The following SETD1B variants were observed in gnomAD, a reference collection of about 807,000 sequenced individuals.
SETD1B encodes the protein histone-lysine N-methyltransferase SETD1B.
In SETD1B, 7 loss-of-function variants were observed where a neutral mutation model predicts 148.0. The observed-to-expected ratio is 0.05, with a 90% CI of 0.03 to 0.09. The LOEUF (loss-of-function observed/expected upper bound fraction) is 0.09. Ranked by LOEUF, SETD1B falls within the 10% of genes least tolerant of loss-of-function variation. SETD1B has a pLI of 1.00. For missense variants in SETD1B, 2,155 were observed against 2,729.9 expected, an observed-to-expected ratio of 0.79 and a Z score of 4.69; for synonymous variants, 1,361 against 1,186.5, an observed-to-expected ratio of 1.15 and a Z score of -3.02.
chr12:121,816,992 G>C (rs747121302), intron 7 of SETD1B, 41 bp from the exon 8 acceptor site: 1 of 1,460,112 alleles, frequency 6.8e-7, no homozygotes, highest in South Asian at 1.4e-5. Context: ...AGGGTTGGTG[G>C]TGCCAGAAGC....
chr12:121,820,019 C>T (rs1405926005), intron 11 of SETD1B, 124 bp downstream of exon 11: 13 of 808,416 alleles, frequency 1.6e-5, no homozygotes, highest in African/African-American at 5.2e-5. Context: ...CCGTGTAAAA[C>T]GAGATCAGCC....
chr12:121,818,961 G>A (rs1876433845), intron 10 of SETD1B, among the ~76,000 whole-genome samples: 1 of 150,538 alleles, frequency 6.6e-6, no homozygotes, highest in South Asian at 2.1e-4. Context: ...GCGACTACTA[G>A]CGGCCGGGTG....
upstream of SETD1B, chr12:121,803,155 G>C (rs1366955371): frequency 2.0e-5 from 3 of 149,790 alleles, no homozygotes; most frequent in Non-Finnish European, 4.4e-5. This position sits in a 1 kb window ranked among gnomAD's most constrained non-coding sequence, Gnocchi z 4.7. Flanking sequence ...AGCGGCAGAG[G>C]GGGCTGCAAA....
the SETD1B span, chr12:121,793,051 G>T: frequency 9.5e-7 from 1 of 1,051,404 alleles, no homozygotes; most frequent in Non-Finnish European, 1.4e-6. Flanking sequence ...CCAAGGCCCT[G>T]CCAAGGCTGC....
intron 11 of SETD1B, 65 bp from the exon 12 acceptor site, chr12:121,822,425 A>G: frequency 6.8e-7 from 1 of 1,472,788 alleles, no homozygotes; most frequent in Non-Finnish European, 9.1e-7. Flanking sequence ...TGGAGCACAA[A>G]ATAAGGCACT....
At chr12:121,816,418 C>T (rs1241213061) in intron 7 of SETD1B, among the ~76,000 whole-genome samples, 2 of 152,330 alleles carry the variant, frequency 1.3e-5, no homozygotes, top group South Asian at 2.1e-4. Context: ...AATGAACCGT[C>T]TGAAATCACT....
rs933415662 is a variant in SETD1B, at chr12:121,817,591, A to G, written c.3199A>G (p.Lys1067Glu). The G allele has an allele frequency of 1.5e-5, 23 of 1,549,878 alleles. No homozygotes were observed. The highest frequency in any genetic ancestry group is 2.4e-5 in the South Asian group (2 of 83,950). Residue 1067 changes from lysine (K) to glutamate (E), a missense_variant, in exon 9 of 17, where the codon AAG becomes GAG. Around this residue, in one of 11 missense-constraint regions of SETD1B, gnomAD observed 862 missense variants for 873.8 expected, o/e 0.99. Transcript: ENST00000604567. This position sits in a 1 kb window ranked among gnomAD's most constrained non-coding sequence, Gnocchi z 8.1. ...CTCACCCTCGTCCTCGGCCTCCGAC[A>G]AGGAGGAGGAACAGGAGAGCACCGA... ...TTSPSSSASDKEEEQESTEEE... is the reference protein window; with the variant it reads ...TTSPSSSASDEEEEQESTEEE...
the SETD1B span, among the ~76,000 whole-genome samples, chr12:121,796,626 C>T: frequency 2.6e-5 from 4 of 152,238 alleles, no homozygotes; most frequent in Admixed American, 2.0e-4. Flanking sequence ...ATACATCTAC[C>T]CTGCCTGAGC....
chr12:121,810,403 G>A lies in SETD1B; in HGVS notation c.1458G>A (p.Glu486=). 2 of 1,548,926 alleles carry A rather than the reference G, an allele frequency of 1.3e-6. No individual in the cohort carries two copies. The highest frequency in any genetic ancestry group is 2.7e-5 in the African/African-American group (2 of 73,160). The change falls in exon 6 of 17, where the codon GAG becomes GAA. Residue 486 remains glutamate (E), a synonymous_variant. Coordinates refer to ENST00000604567, the MANE Select transcript of SETD1B (RefSeq NM_001353345.2). This position sits in a 1 kb window ranked among gnomAD's most constrained non-coding sequence, Gnocchi z 7.6. The part of the protein sequence containing the change: ...PCDSPGTPTL[E]SSPAGPEKPH... Reference sequence around the variant, plus strand: ...ACAGCCCTGGCACGCCCACGCTGGAGTCGTCCCCTGCAGGGCCAGAGAAAC... The same window carrying A: ...ACAGCCCTGGCACGCCCACGCTGGAATCGTCCCCTGCAGGGCCAGAGAAAC...
chr12:121,822,904 C>G lies in SETD1B; in HGVS notation c.4325C>G (p.Pro1442Arg), dbSNP rs1291530074. 1 of 1,502,312 alleles carries G rather than the reference C, an allele frequency of 6.7e-7. No homozygotes were observed. Among genetic ancestry groups the G allele is most frequent in the African/African-American group, 1.4e-5 (1 of 71,610 alleles). The allele number at this position is 1,502,312 out of a possible 1,614,324, so 93.1% of individuals were successfully genotyped here. A position where few individuals can be genotyped will look rare whatever the true frequency, so the allele number is the denominator to read the frequency against. ...FTPTFSEPSG[P>R]LLLPVCPLPT... is the part of the protein sequence containing the mutation. ...CCCACCTTCTCCGAGCCCAGCGGGC[C>G]CTTGCTCCTGCCCGTCTGCCCACTC... The change falls in exon 12 of 17, where the codon CCC becomes CGC. Residue 1442 changes from proline (P) to arginine (R), a missense_variant. Physicochemically the swap from Pro to Arg is moderately radical, Grantham distance 103. This residue lies in a region of SETD1B where 862 missense variants were observed against 873.8 expected (regional missense o/e 0.99). Transcript: ENST00000604567.
chr12:121,791,434 C>T, the SETD1B span, among the ~76,000 whole-genome samples: 12 of 152,160 alleles, frequency 7.9e-5, no homozygotes, highest in Non-Finnish European at 5.9e-5. Flanking sequence ...CCCAATGATA[C>T]GTAGCCAATA....
chr12:121,829,003 G>A (rs1876970229), intron 16 of SETD1B, among the ~76,000 whole-genome samples: 1 of 152,032 alleles, frequency 6.6e-6, no homozygotes, highest in Admixed American at 6.6e-5. Flanking sequence ...CGGTGCTGGG[G>A]CAAGGGGAAC....
At chr12:121,796,568 G>C in the SETD1B span, among the ~76,000 whole-genome samples, 1 of 152,222 alleles carries the variant, frequency 6.6e-6, no homozygotes, top group African/African-American at 2.4e-5. Context: ...CAGCCTTCAG[G>C]GATGAAGCTA....
At chr12:121,793,536 G>T in the SETD1B span, 1 of 1,545,136 alleles carries the variant, frequency 6.5e-7, no homozygotes. Flanking sequence ...GAGCAGCGAG[G>T]TCTTGCCGCA....
chr12:121,805,230 C>T lies in SETD1B; in HGVS notation c.273+14C>T, dbSNP rs1383868058. On this transcript the variant is annotated intron_variant, in intron 3 of 16. Transcript: ENST00000604567. The surrounding 1 kb of genome is among the most constrained non-coding windows in gnomAD (Gnocchi z 4.2). ...CCCAAATTCAAGGTAGGACCCCTCCCCACTGCCCCGCCGTCCCTCCCCCAC... is the reference window on the plus strand; with the variant it reads ...CCCAAATTCAAGGTAGGACCCCTCCTCACTGCCCCGCCGTCCCTCCCCCAC... 1 of 1,542,704 alleles carries T rather than the reference C, an allele frequency of 6.5e-7. No individual in the cohort carries two copies. Among genetic ancestry groups the T allele is most frequent in the South Asian group, 1.2e-5 (1 of 83,816 alleles).
At chr12:121,798,403 G>T in the SETD1B span, among the ~76,000 whole-genome samples, 1 of 152,228 alleles carries the variant, frequency 6.6e-6, no homozygotes, top group Non-Finnish European at 1.5e-5. Context: ...GGTGCGGGGG[G>T]AAGCTCTGAG....
the SETD1B span, among the ~76,000 whole-genome samples, chr12:121,792,209 C>T: frequency 2.0e-5 from 3 of 152,238 alleles, no homozygotes; most frequent in Non-Finnish European, 4.4e-5. Flanking sequence ...CTGACCTCAC[C>T]TCACACACAC....
At chr12:121,812,185 G>C (rs1431374174) in intron 6 of SETD1B, among the ~76,000 whole-genome samples, 1 of 152,150 alleles carries the variant, frequency 6.6e-6, no homozygotes, top group African/African-American at 2.4e-5. Flanking sequence ...TGGGCTTTCT[G>C]CGGCCGCGCG....
intron 5 of SETD1B, 147 bp from the exon 6 acceptor site, chr12:121,809,456 C>T: frequency 2.2e-6 from 2 of 892,928 alleles, no homozygotes; most frequent in Non-Finnish European, 3.3e-6. Context: ...TGACACTCCT[C>T]CTCAATCTCC....
Sources: gnomAD v4.1 joint callset for allele counts (sites outside exome capture counted in the v4.1 genomes callset) on GRCh38, gnomAD v4.1.1 for gene constraint, gnomAD v4.1.1 regional missense constraint, Gnocchi (gnomAD v3.1) non-coding constraint, MANE v1.5 for transcripts, NCBI Gene and HGNC (gene_info 2026-07-23, HGNC 2026-07-21) for gene names.